LNPK: variants seen among roughly 807,000 people sequenced by gnomAD.
The protein encoded by LNPK is endoplasmic reticulum junction formation protein lunapark.
A neutral mutation model predicts 55.2 loss-of-function variants in LNPK; 29 were observed. The observed-to-expected ratio is 0.53, with a 90% CI of 0.39 to 0.72. The LOEUF (loss-of-function observed/expected upper bound fraction) is 0.72. Among genes scored for constraint, LNPK ranks in the 30% least tolerant of loss-of-function variants. The pLI is 0.00. For synonymous variants in LNPK, 162 were observed against 168.2 expected (o/e 0.96, Z 0.29); for missense variants, 467 against 494.8 (o/e 0.94, Z 0.53).
At chr2:175,967,108 T>C (rs1188022041) in intron 6 of LNPK, among the ~76,000 whole-genome samples, 1 of 152,230 alleles carries the variant, frequency 6.6e-6, no homozygotes, top group Non-Finnish European at 1.5e-5. Context: ...AAGATAGCTT[T>C]GAATGCAGCC....
chr2:175,971,097 T>G (rs957152319), intron 5 of LNPK, among the ~76,000 whole-genome samples: 14 of 152,106 alleles, frequency 9.2e-5, no homozygotes, highest in African/African-American at 3.4e-4. Context: ...AAACATTACT[T>G]TCTACTATTT....
chr2:175,940,479 G>A (rs1280899992), intron 9 of LNPK, among the ~76,000 whole-genome samples: 1 of 152,124 alleles, frequency 6.6e-6, no homozygotes, highest in African/African-American at 2.4e-5. Context: ...CATTCATACA[G>A]GGCCAAGAAT....
chr2:175,975,475 A>G (rs1686868382), intron 5 of LNPK, among the ~76,000 whole-genome samples: 2 of 152,200 alleles, frequency 1.3e-5, no homozygotes, highest in South Asian at 4.1e-4. Context: ...TTGTGGGTAC[A>G]TAGTGGCCGT....
Position 175,929,981 on chromosome 2 carries a change from A to G in LNPK, c.1273T>C (p.Leu425=). 1 of 1,614,030 alleles carries G rather than the reference A, an allele frequency of 6.2e-7. No homozygotes were observed. The highest frequency in any genetic ancestry group is 8.5e-7 in the Non-Finnish European group (1 of 1,179,934). The change falls in exon 13 of 13, where the codon TTG becomes CTG. Residue 425 remains leucine, a synonymous_variant. Transcript: ENST00000272748. ...GGAAGCATTTACTACTCTGCCGTCA[A>G]AGATTCTCCACTTAGTTCAGGATCA... ...IPDPELSGES[L]TAE
rs1200142000 is a variant in LNPK at position 175,923,982 on chromosome 2, A to T, written c.*5985T>A. The T allele has an allele frequency of 6.6e-6, 1 of 152,212 alleles. No individual in the cohort carries two copies. Among genetic ancestry groups the T allele is most frequent in the Non-Finnish European group, 1.5e-5 (1 of 68,028 alleles). 9.4% of individuals were successfully genotyped at this position (152,212 alleles called of 1,614,324 possible). ...ATCTGTCTACATTCAGAGCCTGAAT[A>T]TATTTACTTATTGACCAGTAGAATG... is the stretch of plus-strand genomic sequence containing the variant. On this transcript the variant is annotated 3_prime_UTR_variant, in exon 13 of 13. Transcript: ENST00000272748.
chr2:175,994,235 T>C, intron 2 of LNPK: 1 of 973,144 alleles, frequency 1.0e-6, no homozygotes, highest in Non-Finnish European at 1.2e-6. Flanking sequence ...ACTGACATTT[T>C]GCTAAGTCCA....
At chr2:175,933,193 G>A (rs1381847286) in intron 12 of LNPK, among the ~76,000 whole-genome samples, 1 of 151,752 alleles carries the variant, frequency 6.6e-6, no homozygotes, top group Non-Finnish European at 1.5e-5. Flanking sequence ...AGTAACAATT[G>A]GCTTCCAGTT....
At chr2:175,978,155 G>T (rs1267512211) in intron 5 of LNPK, among the ~76,000 whole-genome samples, 1 of 151,442 alleles carries the variant, frequency 6.6e-6, no homozygotes, top group East Asian at 1.9e-4. Flanking sequence ...AAAATATTCA[G>T]AAAAAATTAA....
intron 1 of LNPK, among the ~76,000 whole-genome samples, chr2:175,999,123 A>T (rs1385028863): frequency 1.3e-5 from 2 of 152,326 alleles, no homozygotes; most frequent in East Asian, 3.9e-4. Flanking sequence ...TTTTCTATCA[A>T]ATTCTGATAT....
chr2:175,930,996 TTGA>T (rs1684257632), intron 12 of LNPK, among the ~76,000 whole-genome samples: 1 of 152,160 alleles, frequency 6.6e-6, no homozygotes, highest in South Asian at 2.1e-4. Context: ...AACAATTGTA[TTGA>T]ATAAACTGCC....
chr2:175,994,468 A>G lies in LNPK; in HGVS notation c.27+1090T>C, dbSNP rs374104304. On this transcript the variant is annotated intron_variant, in intron 2 of 12. Coordinates refer to ENST00000272748, the MANE Select transcript of LNPK (RefSeq NM_030650.3). ...TAATAAGGAGTAAAAAAAAATAAGT[A>G]GTTTATCCTAGACTACCTTATCTCC... is the stretch of plus-strand genomic sequence containing the variant. Among the ~76,000 whole-genome samples the G allele has an allele frequency of 2.6e-5, 4 of 152,342 alleles. No individual in the cohort carries two copies. The South Asian group carries it at 8.3e-4, about 32-fold the overall frequency.
At position 175,929,929 on chromosome 2, in the gene LNPK, A is replaced by G; in HGVS notation, c.*38T>C. 6.2e-7 allele frequency: 1 copy of G among 1,611,708 alleles called. No individual in the cohort carries two copies. The highest frequency in any genetic ancestry group is 8.5e-7 in the Non-Finnish European group (1 of 1,178,628). ...AAAAGCAATAACTGACATCAGTAAG[A>G]CTATAAATATCCAGTTGAAGGCACG... On this transcript the variant is annotated 3_prime_UTR_variant, in exon 13 of 13. Coordinates refer to ENST00000272748, the MANE Select transcript of LNPK (RefSeq NM_030650.3).
intron 12 of LNPK, among the ~76,000 whole-genome samples, chr2:175,934,144 C>G (rs1684426915): frequency 6.6e-6 from 1 of 152,104 alleles, no homozygotes; most frequent in African/African-American, 2.4e-5. Flanking sequence ...CAAAAACATA[C>G]TACATATCTT....
At chr2:175,987,397 A>T (rs1191987124) in intron 4 of LNPK, among the ~76,000 whole-genome samples, 1 of 152,204 alleles carries the variant, frequency 6.6e-6, no homozygotes, top group Non-Finnish European at 1.5e-5. Flanking sequence ...ACTGGAAACC[A>T]TCATTCTTAG....
chr2:175,980,016 C>A, intron 4 of LNPK, 148 bp from the exon 5 acceptor site: 3 of 673,828 alleles, frequency 4.5e-6, no homozygotes, highest in Non-Finnish European at 7.0e-6. Flanking sequence ...TTATTTCTGC[C>A]AGAGAACATC....
chr2:175,997,418 C>T (rs1687979188), intron 1 of LNPK, among the ~76,000 whole-genome samples: 1 of 152,056 alleles, frequency 6.6e-6, no homozygotes. Flanking sequence ...AAAATAACTA[C>T]CAAAAAGGTG....
chr2:175,991,493 AAACAC>A (rs1687699090), intron 4 of LNPK, among the ~76,000 whole-genome samples: 1 of 152,198 alleles, frequency 6.6e-6, no homozygotes, highest in South Asian at 2.1e-4. Flanking sequence ...AAGACTAAAC[AAACAC>A]ATTTTTTTAT....
chr2:175,939,326 G>A (rs193211201), intron 10 of LNPK, among the ~76,000 whole-genome samples: 66 of 152,210 alleles, frequency 4.3e-4, no homozygotes, highest in Middle Eastern at 3.4e-3. Context: ...TTCTCTAAAA[G>A]TTATAGCAGA....
intron 4 of LNPK, among the ~76,000 whole-genome samples, chr2:175,986,218 A>G (rs532270549): frequency 1.3e-4 from 20 of 152,282 alleles, no homozygotes; most frequent in Non-Finnish European, 2.8e-4. Context: ...AAAAGAGAAT[A>G]CATCTTCAAA....
Sources: allele counts gnomAD v4.1 joint callset (sites outside exome capture counted in the v4.1 genomes callset), GRCh38; gene constraint gnomAD v4.1.1; transcripts MANE v1.5; gene names NCBI Gene and HGNC (gene_info 2026-07-23, HGNC 2026-07-21).